DIS3L2: variants seen among roughly 807,000 people sequenced by gnomAD.
DIS3L2 encodes the protein DIS3 like 3'-5' exoribonuclease 2.
A neutral mutation model predicts 97.5 loss-of-function variants in DIS3L2; 34 were observed. That is an observed-to-expected ratio of 0.35 (90% CI 0.27 to 0.46). The LOEUF (loss-of-function observed/expected upper bound fraction) is 0.46. Among genes scored for constraint, DIS3L2 ranks in the 20% least tolerant of loss-of-function variants. DIS3L2 has a pLI of 1.00. For missense variants in DIS3L2, 1,038 were observed against 1,146.0 expected, an observed-to-expected ratio of 0.91 and a Z score of 1.36; for synonymous variants, 435 against 445.2, an observed-to-expected ratio of 0.98 and a Z score of 0.29.
chr2:232,313,455 C>T (rs1695188139), intron 14 of DIS3L2, among the ~76,000 whole-genome samples: 1 of 152,206 alleles, frequency 6.6e-6, no homozygotes. Context: ...GATCTCATGG[C>T]TGTACATTTG....
At chr2:232,344,314 G>A (rs962380412) in exon 14 of DIS3L2, 1 of 152,352 alleles carries the variant, frequency 6.6e-6, no homozygotes, top group Non-Finnish European at 1.5e-5. Context: ...GGCAGCCTGA[G>A]GGGCTGCTTC....
At chr2:232,294,591 A>T (rs1694679269) in intron 13 of DIS3L2, among the ~76,000 whole-genome samples, 5 of 151,892 alleles carry the variant, frequency 3.3e-5, no homozygotes, top group Admixed American at 3.3e-4. Context: ...CTTGTTTTTG[A>T]CCAGCCATCT....
At chr2:232,221,865 G>C (rs1020280440) in intron 10 of DIS3L2, among the ~76,000 whole-genome samples, 3 of 152,126 alleles carry the variant, frequency 2.0e-5, no homozygotes, top group Admixed American at 1.3e-4. Context: ...TCTGGGTTTT[G>C]TCTCTGACAT....
chr2:231,994,525 TG>T (rs1693676176), intron 1 of DIS3L2, among the ~76,000 whole-genome samples: 1 of 152,158 alleles, frequency 6.6e-6, no homozygotes, highest in South Asian at 2.1e-4. Flanking sequence ...CCACTTTAGG[TG>T]GAACATAGGA....
intron 12 of DIS3L2, among the ~76,000 whole-genome samples, chr2:232,250,671 C>T (rs959362104): frequency 2.0e-5 from 3 of 152,108 alleles, no homozygotes; most frequent in Non-Finnish European, 4.4e-5. Flanking sequence ...GTTCTCTAGA[C>T]AGGGTAAAGT....
At chr2:232,027,020 C>T (rs1487812061) in intron 4 of DIS3L2, among the ~76,000 whole-genome samples, 4 of 152,190 alleles carry the variant, frequency 2.6e-5, no homozygotes, top group South Asian at 4.1e-4. Context: ...AATCAAGGCC[C>T]ATTGCAAGTG....
intron 11 of DIS3L2, among the ~76,000 whole-genome samples, chr2:232,244,611 C>T (rs1000456993): frequency 5.9e-5 from 9 of 152,140 alleles, no homozygotes; most frequent in East Asian, 1.9e-4. Context: ...TGGCAGGAGA[C>T]GAGGGCACAC....
At chr2:232,299,296 G>A (rs528955464) in intron 13 of DIS3L2, among the ~76,000 whole-genome samples, 1 of 152,338 alleles carries the variant, frequency 6.6e-6, no homozygotes, top group East Asian at 1.9e-4. Flanking sequence ...AGTCTGCACT[G>A]TAGCCAGAGG....
chr2:232,121,368 A>G (rs1460228805), intron 6 of DIS3L2, among the ~76,000 whole-genome samples: 7 of 152,026 alleles, frequency 4.6e-5, no homozygotes, highest in Non-Finnish European at 7.4e-5. Flanking sequence ...TTAAATGTTG[A>G]TGTTCTCCAC....
intron 6 of DIS3L2, among the ~76,000 whole-genome samples, chr2:232,129,021 A>G (rs998501343): frequency 4.6e-5 from 7 of 152,196 alleles, no homozygotes; most frequent in African/African-American, 1.2e-4. Context: ...GCCCACTTCT[A>G]TGGCTTGCCC....
chr2:232,158,414 C>G (rs1690561025), intron 8 of DIS3L2, among the ~76,000 whole-genome samples: 1 of 151,920 alleles, frequency 6.6e-6, no homozygotes, highest in Non-Finnish European at 1.5e-5. Context: ...TTAATGAGAC[C>G]TTAAATTCAA....
In DIS3L2 at chr2:232,329,794, T is replaced by G. The variant is rs1404890851; in HGVS notation, c.1740-19T>G. 9 of 161,314 alleles carry G rather than the reference T, an allele frequency of 5.6e-5. No homozygotes were observed. Among genetic ancestry groups the G allele is most frequent in the Non-Finnish European group, 1.1e-4 (9 of 84,646 alleles). The allele number at this position is 161,314 out of a possible 1,614,324, so 10.0% of individuals were successfully genotyped here. Reference sequence around the variant, plus strand: ...CCCCAAACCCCAGCGGTCCCTCCCATCCCACCCACCCTCTGCAGGCTCGTG... The same window carrying G: ...CCCCAAACCCCAGCGGTCCCTCCCAGCCCACCCACCCTCTGCAGGCTCGTG... On this transcript the variant is annotated intron_variant, in intron 14 of 20. Coordinates refer to ENST00000325385, the MANE Select transcript of DIS3L2 (RefSeq NM_152383.5).
chr2:232,107,749 A>G (rs924598620), intron 6 of DIS3L2, among the ~76,000 whole-genome samples: 1 of 152,138 alleles, frequency 6.6e-6, no homozygotes, highest in African/African-American at 2.4e-5. Context: ...AATACAAATA[A>G]CCATCAGAGA....
At chr2:231,988,341 A>G (rs971039263) in intron 1 of DIS3L2, among the ~76,000 whole-genome samples, 1 of 152,226 alleles carries the variant, frequency 6.6e-6, no homozygotes, top group African/African-American at 2.4e-5. Context: ...CTCCACGGAA[A>G]GTGGAGCTAG....
intron 5 of DIS3L2, among the ~76,000 whole-genome samples, chr2:232,066,191 A>G (rs1352550011): frequency 6.6e-6 from 1 of 151,936 alleles, no homozygotes; most frequent in Non-Finnish European, 1.5e-5. Context: ...GAACACAAGT[A>G]GTGAGATATT....
chr2:232,012,777 T>C (rs1694243589), intron 1 of DIS3L2, among the ~76,000 whole-genome samples: 1 of 152,160 alleles, frequency 6.6e-6, no homozygotes, highest in South Asian at 2.1e-4. Flanking sequence ...ACAGGGATAA[T>C]AGGCCTTCAC....
At chr2:232,140,508 G>A (rs1698480889) in intron 8 of DIS3L2, among the ~76,000 whole-genome samples, 1 of 152,144 alleles carries the variant, frequency 6.6e-6, no homozygotes, top group Non-Finnish European at 1.5e-5. Context: ...AAAATGATGA[G>A]AACTAAGGTT....
chr2:232,278,869 A>G (rs1040966495), intron 13 of DIS3L2, among the ~76,000 whole-genome samples: 1 of 152,220 alleles, frequency 6.6e-6, no homozygotes, highest in Non-Finnish European at 1.5e-5. Context: ...ATTTAACTTC[A>G]TAAAGAACTT....
intron 5 of DIS3L2, among the ~76,000 whole-genome samples, chr2:232,054,600 T>C (rs1293259955): frequency 4.0e-5 from 6 of 148,472 alleles, no homozygotes; most frequent in Non-Finnish European, 7.6e-5. Flanking sequence ...TAAATGGCTT[T>C]CCTAAACTCA....
Sources: allele counts gnomAD v4.1 joint callset (sites outside exome capture counted in the v4.1 genomes callset), GRCh38; gene constraint gnomAD v4.1.1; transcripts MANE v1.5; gene names NCBI Gene and HGNC (gene_info 2026-07-23, HGNC 2026-07-21).